DPF2: variants seen among roughly 807,000 people sequenced by gnomAD.
The protein encoded by DPF2 is zinc finger protein ubi-d4.
DPF2 carries 10 observed loss-of-function variants against 59.6 expected under a neutral mutation model. That is an observed-to-expected ratio of 0.17 (90% CI 0.10 to 0.28). The LOEUF (loss-of-function observed/expected upper bound fraction) is 0.28, where lower values mean the gene tolerates loss of function less well. Ranked by LOEUF, DPF2 falls within the 10% of genes least tolerant of loss-of-function variation. The probability of loss-of-function intolerance (pLI) is 1.00; values close to 1 mark genes in which losing one functional copy is unlikely to be tolerated. For missense variants in DPF2, 315 were observed against 509.4 expected (o/e 0.62, Z 3.67); for synonymous variants, 189 against 190.6 (o/e 0.99, Z 0.07).
Position 65,345,988 on chromosome 11 carries a change from G to C in DPF2, c.834G>C (p.Gly278=). ...LPNNYCDFCL[G]DSKINKKTGQ... is the part of the protein sequence containing the mutation. ...ACAACTACTGTGACTTCTGCCTGGG[G>C]GACTCAAAGATTAACAAGAAGACGG... Residue 278 remains glycine (G), a synonymous_variant, in exon 8 of 11, where the codon GGG becomes GGC. Coordinates refer to ENST00000528416, the MANE Select transcript of DPF2 (RefSeq NM_006268.5). 1 of 1,614,130 alleles carries C rather than the reference G, an allele frequency of 6.2e-7. No individual in the cohort carries two copies. Among genetic ancestry groups the C allele is most frequent in the East Asian group, 2.2e-5 (1 of 44,880 alleles).
intron 1 of DPF2, among the ~76,000 whole-genome samples, chr11:65,337,477 ATATATATATAT>A (rs1854209195): frequency 2.9e-4 from 10 of 33,988 alleles, no homozygotes; most frequent in South Asian, 3.2e-3. Flanking sequence ...AAAAAAAAAT[ATATATATATAT>A]ATATATATAT....
At chr11:65,338,759 T>A (rs1410766117) in intron 1 of DPF2, among the ~76,000 whole-genome samples, 1 of 152,234 alleles carries the variant, frequency 6.6e-6, no homozygotes, top group African/African-American at 2.4e-5. Context: ...GGGCACATGC[T>A]AAGTTATGCA....
intron 5 of DPF2, 53 bp downstream of exon 5, chr11:65,343,890 C>T (rs1486404747): frequency 1.4e-5 from 23 of 1,590,108 alleles, no homozygotes; most frequent in East Asian, 2.3e-5. Context: ...CTAGGGAATT[C>T]CTTATTTTAT....
rs1453355336 is a variant in DPF2 at position 65,354,204 on chromosome 11, A to G, written c.*2445A>G. Reference sequence around the variant, plus strand: ...GGGAAGGGAACGATGCCAGATCTTGAGTTTAAGAACTTGAATCTTGTAAAG... The same window carrying G: ...GGGAAGGGAACGATGCCAGATCTTGGGTTTAAGAACTTGAATCTTGTAAAG... On this transcript the variant is annotated 3_prime_UTR_variant, in exon 11 of 11. Coordinates refer to ENST00000528416, the MANE Select transcript of DPF2 (RefSeq NM_006268.5). 6.6e-6 allele frequency among the ~76,000 whole-genome samples: 1 copy of G among 152,210 alleles called. No homozygotes were observed. The highest frequency in any genetic ancestry group is 2.4e-5 in the African/African-American group (1 of 41,444).
At chr11:65,334,055 C>T (rs1950063904) in intron 1 of DPF2, 137 bp downstream of exon 1, 4 of 1,239,982 alleles carry the variant, frequency 3.2e-6, no homozygotes, top group Admixed American at 2.2e-5. Flanking sequence ...GTGGGGAGGG[C>T]AACAGGAGAC....
chr11:65,341,229 C>T (rs1439492590), intron 3 of DPF2, among the ~76,000 whole-genome samples, 156 bp downstream of exon 3: 1 of 152,158 alleles, frequency 6.6e-6, no homozygotes, highest in Non-Finnish European at 1.5e-5. Context: ...GAAGGGGAGA[C>T]AGGTAAACAG....
chr11:65,336,342 ATTAG>A lies in DPF2; in HGVS notation c.32+2429_32+2432del, dbSNP rs1441188211. On this transcript the variant is annotated intron_variant, in intron 1 of 10. Transcript: ENST00000528416. ...CCTCATCTCTACTAAAACTATAAAA[ATTAG>A]TTAGGTGTGGTGGCGCACACCTGTA... Among the ~76,000 whole-genome samples, 4 of 150,782 alleles carry A rather than the reference ATTAG, an allele frequency of 2.7e-5. No individual in the cohort carries two copies. The South Asian group carries it at 8.4e-4, about 32-fold the overall frequency.
intron 1 of DPF2, among the ~76,000 whole-genome samples, chr11:65,337,475 ATATATATATAT>A (rs1372359688): frequency 3.9e-4 from 12 of 31,094 alleles, no homozygotes; most frequent in Middle Eastern, 0.023. Flanking sequence ...AAAAAAAAAA[ATATATATATAT>A]ATATATATAT....
intron 1 of DPF2, among the ~76,000 whole-genome samples, chr11:65,334,228 TC>T (rs1345761642): frequency 3.3e-5 from 5 of 152,118 alleles, no homozygotes; most frequent in Admixed American, 3.3e-4. Flanking sequence ...AGACTCACCG[TC>T]CCGGTCCTCT....
At chr11:65,342,197 T>G (rs549971956) in intron 4 of DPF2, among the ~76,000 whole-genome samples, 6 of 152,352 alleles carry the variant, frequency 3.9e-5, no homozygotes, top group Admixed American at 2.6e-4. Context: ...TTGCCACATT[T>G]GCCTTATCTG....
chr11:65,335,133 C>T (rs144201503), intron 1 of DPF2, among the ~76,000 whole-genome samples: 6 of 150,958 alleles, frequency 4.0e-5, no homozygotes, highest in African/African-American at 1.5e-4. Context: ...CTTTCAGCCA[C>T]CCCTCCTCCC....
chr11:65,338,772 G>A (rs1353724792), intron 1 of DPF2, among the ~76,000 whole-genome samples: 4 of 152,152 alleles, frequency 2.6e-5, no homozygotes, highest in African/African-American at 9.7e-5. Flanking sequence ...GTTATGCAGT[G>A]GTCTATTGTG....
chr11:65,340,909 G>T, intron 2 of DPF2, 57 bp from the exon 3 acceptor site: 2 of 1,505,736 alleles, frequency 1.3e-6, no homozygotes, highest in South Asian at 2.3e-5. Flanking sequence ...GAAAGTGTTT[G>T]GTATTACTTT....
At chr11:65,341,607 GCCT>G in intron 4 of DPF2, 45 bp downstream of exon 4, 1 of 1,607,620 alleles carries the variant, frequency 6.2e-7, no homozygotes. Flanking sequence ...ATGGAAATCA[GCCT>G]CCTCTTCACT....
At chr11:65,351,398 C>T (rs1854693493) in intron 10 of DPF2, among the ~76,000 whole-genome samples, 1 of 152,090 alleles carries the variant, frequency 6.6e-6, no homozygotes, top group Non-Finnish European at 1.5e-5. Context: ...TCTTCCTACT[C>T]CCAAAACTTC....
At chr11:65,348,742 A>G (rs1590938970) in intron 9 of DPF2, 108 bp from the exon 10 acceptor site, 1 of 1,034,740 alleles carries the variant, frequency 9.7e-7, no homozygotes, top group East Asian at 2.5e-5. Context: ...AGATTCTCAC[A>G]TCTGTTCTTA....
intron 1 of DPF2, among the ~76,000 whole-genome samples, chr11:65,337,500 TATATAGAGAGAGAGAG>T (rs1357064666): frequency 4.2e-4 from 17 of 40,272 alleles, no homozygotes; most frequent in South Asian, 1.2e-3. Flanking sequence ...TATATATATA[TATATAGAGAGAGAGAG>T]AGAGAGAGAG....
chr11:65,349,991 T>C (rs920142379), intron 10 of DPF2, among the ~76,000 whole-genome samples: 3 of 152,088 alleles, frequency 2.0e-5, no homozygotes, highest in Admixed American at 2.0e-4. Context: ...CCCCTGACAA[T>C]GTCTAAGAGT....
In DPF2 at chr11:65,352,838, G is replaced by T. The variant is rs901948551; in HGVS notation, c.*1079G>T. The stretch of plus-strand genomic sequence containing the variant: ...ATTAAGTAGTGGGGGGACAGTCCAT[G>T]CCAGGACACCCTGGAGTAGCCTTCC... On this transcript the variant is annotated 3_prime_UTR_variant, in exon 11 of 11. Transcript: ENST00000528416. 6.6e-6 allele frequency: 1 copy of T among 152,586 alleles called. No homozygotes were observed. Among genetic ancestry groups the T allele is most frequent in the African/African-American group, 2.4e-5 (1 of 41,442 alleles). The allele number at this position is 152,586 out of a possible 1,614,324, so 9.5% of individuals were successfully genotyped here.
Sources: gnomAD v4.1 joint callset for allele counts (sites outside exome capture counted in the v4.1 genomes callset) on GRCh38, gnomAD v4.1.1 for gene constraint, MANE v1.5 for transcripts, NCBI Gene and HGNC (gene_info 2026-07-23, HGNC 2026-07-21) for gene names.